The following EIF3CL variants were observed in gnomAD, a reference collection of about 807,000 sequenced individuals.
EIF3CL encodes the protein eukaryotic translation initiation factor 3 subunit C-like protein.
For missense variants in EIF3CL, 5 were observed against 56.1 expected (o/e 0.09, Z 2.91); for synonymous variants, 2 against 19.6 (o/e 0.10, Z 2.37).
chr16:28,417,096 TGAG>T, the EIF3CL span, among the ~76,000 whole-genome samples: 16 of 98,170 alleles, frequency 1.6e-4, no homozygotes, highest in Non-Finnish European at 2.7e-4. Flanking sequence ...TACTGGGAAG[TGAG>T]GAGCCCCTCT....
chr16:28,385,848 AAG>A (rs555988189), intron 15 of EIF3CL, among the ~76,000 whole-genome samples: 229 of 2,770 alleles, frequency 0.083, 10 homozygotes, highest in Non-Finnish European at 0.18. Flanking sequence ...AAAAAAAAAA[AAG>A]AGAGAAATTT....
the EIF3CL span, among the ~76,000 whole-genome samples, chr16:28,418,106 G>A: frequency 2.0e-5 from 3 of 150,700 alleles, no homozygotes; most frequent in Non-Finnish European, 4.4e-5. Flanking sequence ...TCTGTGCGGG[G>A]TAAAAAACCC....
the EIF3CL span, among the ~76,000 whole-genome samples, chr16:28,417,176 G>A: frequency 4.8e-4 from 69 of 144,584 alleles, no homozygotes; most frequent in South Asian, 7.2e-3. Context: ...CAGCCGCCCC[G>A]TCCGGGAGGG....
the EIF3CL span, among the ~76,000 whole-genome samples, chr16:28,421,832 T>G: frequency 7.1e-6 from 1 of 140,950 alleles, no homozygotes; most frequent in Non-Finnish European, 1.6e-5. Flanking sequence ...AAAAAAAATC[T>G]ATTTGGATTG....
the EIF3CL span, among the ~76,000 whole-genome samples, chr16:28,421,738 G>A: frequency 9.7e-6 from 1 of 103,070 alleles, no homozygotes; most frequent in African/African-American, 3.4e-5. Context: ...TTTGAACCTG[G>A]GAGGTAGAAG....
At chr16:28,423,807 AATATATATATT>A in the EIF3CL span, among the ~76,000 whole-genome samples, 1 of 100,988 alleles carries the variant, frequency 9.9e-6, no homozygotes, top group African/African-American at 3.4e-5. Flanking sequence ...ATATATATAT[AATATATATATT>A]ATATATATAT....
chr16:28,381,239 C>CTTT (rs2045573553), intron 16 of EIF3CL, among the ~76,000 whole-genome samples: 1 of 75,866 alleles, frequency 1.3e-5, no homozygotes, highest in Non-Finnish European at 2.2e-5. Flanking sequence ...CTCGTCTCTA[C>CTTT]TAAAAATACA....
the EIF3CL span, among the ~76,000 whole-genome samples, chr16:28,418,845 G>C: frequency 7.1e-6 from 1 of 140,556 alleles, no homozygotes; most frequent in African/African-American, 2.6e-5. Flanking sequence ...GCCCAGGTTG[G>C]TCTCGAACTC....
the EIF3CL span, among the ~76,000 whole-genome samples, chr16:28,417,196 G>C: frequency 6.8e-6 from 1 of 146,702 alleles, no homozygotes; most frequent in Non-Finnish European, 1.5e-5. Flanking sequence ...GAGGTGGGGG[G>C]GGTCAGCCCC....
chr16:28,425,560 A>T, the EIF3CL span, among the ~76,000 whole-genome samples: 4 of 107,822 alleles, frequency 3.7e-5, 1 homozygote, highest in Non-Finnish European at 5.7e-5. Flanking sequence ...TCCAGTTCCC[A>T]TTACCTTGGA....
intron 2 of EIF3CL, among the ~76,000 whole-genome samples, chr16:28,402,753 A>AC (rs1179106364): frequency 1.2e-5 from 1 of 81,226 alleles, no homozygotes; most frequent in African/African-American, 4.6e-5. Flanking sequence ...CATTCCTGTA[A>AC]CCCCAACACT....
chr16:28,417,794 A>G, the EIF3CL span, among the ~76,000 whole-genome samples: 2 of 145,204 alleles, frequency 1.4e-5, no homozygotes, highest in African/African-American at 2.5e-5. Flanking sequence ...CTCTGTGAGA[A>G]ACACCCAAGA....
chr16:28,419,013 T>C, the EIF3CL span, among the ~76,000 whole-genome samples: 1 of 144,876 alleles, frequency 6.9e-6, no homozygotes, highest in Non-Finnish European at 1.5e-5. Flanking sequence ...CTTTTTAAAA[T>C]TTTTTTTCTT....
the EIF3CL span, among the ~76,000 whole-genome samples, chr16:28,416,794 C>A: frequency 1.3e-5 from 1 of 79,852 alleles, no homozygotes; most frequent in Non-Finnish European, 2.8e-5. Flanking sequence ...CCGCCCCGTC[C>A]GGGAGGTGAG....
the EIF3CL span, among the ~76,000 whole-genome samples, chr16:28,416,839 G>T: frequency 1.2e-5 from 1 of 81,168 alleles, no homozygotes; most frequent in African/African-American, 4.4e-5. Context: ...ACTGGGAAGT[G>T]AGGAGCCCCT....
At chr16:28,424,065 G>A in the EIF3CL span, among the ~76,000 whole-genome samples, 137 of 149,272 alleles carry the variant, frequency 9.2e-4, no homozygotes, top group Non-Finnish European at 1.4e-3. Context: ...TCGGCTCACT[G>A]CAAGCTCTGC....
the EIF3CL span, among the ~76,000 whole-genome samples, chr16:28,417,540 CAT>C: frequency 1.8e-5 from 2 of 113,092 alleles, no homozygotes; most frequent in East Asian, 2.5e-4. Flanking sequence ...CTCTCTGAAA[CAT>C]GTGCTGTGTC....
chr16:28,417,816 A>G, the EIF3CL span, among the ~76,000 whole-genome samples: 1 of 146,938 alleles, frequency 6.8e-6, no homozygotes, highest in Non-Finnish European at 1.5e-5. Context: ...TTATCAATAA[A>G]AAAATAAATT....
the EIF3CL span, among the ~76,000 whole-genome samples, chr16:28,415,707 GC>G: frequency 2.2e-5 from 3 of 134,202 alleles, no homozygotes; most frequent in East Asian, 4.8e-4. Flanking sequence ...CTGAGATAGT[GC>G]CACTGCACTC....
Sources: allele counts gnomAD v4.1 joint callset (sites outside exome capture counted in the v4.1 genomes callset), GRCh38; gene constraint gnomAD v4.1.1; transcripts MANE v1.5; gene names NCBI Gene and HGNC (gene_info 2026-07-23, HGNC 2026-07-21).